CSMD2: variants seen among roughly 807,000 people sequenced by gnomAD.
CSMD2 encodes CUB and sushi domain-containing protein 2.
Under a neutral mutation model 398.5 loss-of-function variants are expected in CSMD2, and 130 were observed. That is an observed-to-expected ratio of 0.33 (90% CI 0.28 to 0.38). The LOEUF (loss-of-function observed/expected upper bound fraction) is 0.38, where lower values mean the gene tolerates loss of function less well. CSMD2 is among the 10% of genes least tolerant of loss of function. The pLI is 1.00. For synonymous variants in CSMD2, 1,828 were observed against 1,908.5 expected (o/e 0.96, Z 1.10); for missense variants, 3,829 against 4,764.9 (o/e 0.80, Z 5.78).
chr1:33,539,606 T>C, intron 60 of CSMD2, among the ~76,000 whole-genome samples: 1 of 152,220 alleles, frequency 6.6e-6, no homozygotes, highest in East Asian at 1.9e-4. Context: ...AGCTGAACTG[T>C]GGTTATCATT....
chr1:33,553,842 C>T (rs914071788), intron 55 of CSMD2, among the ~76,000 whole-genome samples: 2 of 152,112 alleles, frequency 1.3e-5, no homozygotes, highest in African/African-American at 4.8e-5. Context: ...CGTTTAGCAT[C>T]GTCCTTGGCA....
chr1:34,011,568 G>A (rs1647330203), intron 3 of CSMD2, among the ~76,000 whole-genome samples: 2 of 151,996 alleles, frequency 1.3e-5, no homozygotes, highest in African/African-American at 2.4e-5. Context: ...GCCTATAAGT[G>A]TATTCTTTTT....
At chr1:33,627,500 G>A (rs1642201439) in intron 32 of CSMD2, among the ~76,000 whole-genome samples, 2 of 152,108 alleles carry the variant, frequency 1.3e-5, no homozygotes, top group South Asian at 2.1e-4. Flanking sequence ...TTCTCAGGAC[G>A]AAGCAGGGAT....
intron 3 of CSMD2, among the ~76,000 whole-genome samples, chr1:33,997,896 G>A (rs903065747): frequency 3.3e-5 from 5 of 152,130 alleles, no homozygotes; most frequent in African/African-American, 4.8e-5. Context: ...TTCTTTTCTC[G>A]AAGCCTCTGT....
At chr1:33,850,028 C>T (rs1056605625) in intron 5 of CSMD2, among the ~76,000 whole-genome samples, 1 of 152,072 alleles carries the variant, frequency 6.6e-6, no homozygotes, top group African/African-American at 2.4e-5. Context: ...GATATCTCCT[C>T]ACTGTTCAAA....
intron 2 of CSMD2, among the ~76,000 whole-genome samples, chr1:34,057,141 C>T (rs2148245981): frequency 6.6e-6 from 1 of 152,310 alleles, no homozygotes; most frequent in Non-Finnish European, 1.5e-5. Context: ...CCTAGCAGCA[C>T]TGCTGACTGT....
chr1:33,577,803 A>G (rs1417565174), intron 48 of CSMD2, among the ~76,000 whole-genome samples: 2 of 152,200 alleles, frequency 1.3e-5, no homozygotes, highest in Non-Finnish European at 1.5e-5. Flanking sequence ...CAGCTCCGAA[A>G]CAGACTTAGA....
At chr1:33,598,666 T>G (rs930103752) in intron 44 of CSMD2, 2 of 22,342 alleles carry the variant, frequency 9.0e-5, no homozygotes, top group African/African-American at 1.6e-4. Flanking sequence ...GTTTCCTGTG[T>G]TTTTTTTTTT....
At position 33,600,127 on chromosome 1, in the gene CSMD2, A is replaced by G. The variant is rs906425661; in HGVS notation, c.6856+738T>C. 3 of 712,344 alleles carry G rather than the reference A, an allele frequency of 4.2e-6. No individual in the cohort carries two copies. The African/African-American group carries it at 5.3e-5, about 13-fold the overall frequency. The allele number at this position is 712,344 out of a possible 1,614,324, so 44.1% of individuals were successfully genotyped here. On this transcript the variant is annotated intron_variant, in intron 44 of 70. Transcript: ENST00000373381. Reference sequence around the variant, plus strand: ...AAGCCGGTAATTCTACAGGTGAAGAAACTGAAGTCTCAAGTGGGGAAGGGA... The same window carrying G: ...AAGCCGGTAATTCTACAGGTGAAGAGACTGAAGTCTCAAGTGGGGAAGGGA...
At chr1:33,550,069 G>T in intron 56 of CSMD2, 108 bp downstream of exon 56, 2 of 1,140,060 alleles carry the variant, frequency 1.8e-6, no homozygotes, top group Non-Finnish European at 2.6e-6. Flanking sequence ...GGGTTCTGAG[G>T]TCTGATTCCC....
chr1:33,934,821 C>G (rs1244055906), intron 4 of CSMD2, among the ~76,000 whole-genome samples: 1 of 137,788 alleles, frequency 7.3e-6, no homozygotes, highest in South Asian at 2.3e-4. Flanking sequence ...CATAGAGAGA[C>G]TCTGTCTCCA....
intron 3 of CSMD2, among the ~76,000 whole-genome samples, chr1:34,014,336 T>C (rs1647780051): frequency 6.6e-6 from 1 of 152,270 alleles, no homozygotes; most frequent in African/African-American, 2.4e-5. Flanking sequence ...ATAAACTCAG[T>C]AGAAGCCAAG....
intron 4 of CSMD2, among the ~76,000 whole-genome samples, chr1:33,923,819 G>T (rs969978637): frequency 6.6e-6 from 1 of 152,184 alleles, no homozygotes; most frequent in Admixed American, 6.5e-5. Flanking sequence ...GGAGGTGAGT[G>T]TTGAGCAAGT....
At chr1:33,528,079 C>T (rs1654943671) in intron 64 of CSMD2, among the ~76,000 whole-genome samples, 1 of 152,204 alleles carries the variant, frequency 6.6e-6, no homozygotes, top group African/African-American at 2.4e-5. Flanking sequence ...ACCTTCCTCC[C>T]TTGGAATGAT....
At chr1:33,520,030 T>G (rs968809942) in intron 68 of CSMD2, 80 bp from the exon 69 acceptor site, 1 of 1,531,752 alleles carries the variant, frequency 6.5e-7, no homozygotes, top group Non-Finnish European at 9.0e-7. Flanking sequence ...GACTATACAC[T>G]CTTGGGAAGC....
chr1:33,625,560 C>T (rs772441637), intron 33 of CSMD2, among the ~76,000 whole-genome samples: 2 of 152,166 alleles, frequency 1.3e-5, no homozygotes, highest in African/African-American at 2.4e-5. Flanking sequence ...ATCAGGGTCC[C>T]ACGTTCCCTA....
At chr1:33,622,317 A>G in intron 36 of CSMD2, 46 bp from the exon 37 acceptor site, 2 of 1,401,402 alleles carry the variant, frequency 1.4e-6, no homozygotes, top group Non-Finnish European at 2.0e-6. Context: ...TGGCTCCTCC[A>G]GGCCCTTGCA....
intron 1 of CSMD2, among the ~76,000 whole-genome samples, chr1:34,110,423 C>T (rs1571153485): frequency 6.6e-6 from 1 of 151,664 alleles, no homozygotes; most frequent in Non-Finnish European, 1.5e-5. Flanking sequence ...TTCACAAGAG[C>T]AAAAACATGG....
rs1639537352 is a variant in CSMD2 at position 33,592,588 on chromosome 1, A to G, written c.6857-5420T>C. The G allele has an allele frequency of 4.3e-6, 3 of 694,528 alleles. No individual in the cohort carries two copies. In the Admixed American group the frequency reaches 6.2e-5, roughly 14 times the overall value. The allele number at this position is 694,528 out of a possible 1,614,324, so 43.0% of individuals were successfully genotyped here. On this transcript the variant is annotated intron_variant, in intron 44 of 70. Coordinates refer to ENST00000373381, the MANE Select transcript of CSMD2 (RefSeq NM_001281956.2). ...ATTGTGTTAAGGTTTTGGATCTGCA[A>G]TTCTCAAACTACCTATCACTAAGTG...
Sources: allele counts gnomAD v4.1 joint callset (sites outside exome capture counted in the v4.1 genomes callset), GRCh38; gene constraint gnomAD v4.1.1; transcripts MANE v1.5; gene names NCBI Gene and HGNC (gene_info 2026-07-23, HGNC 2026-07-21).